The following XKR3 variants were observed in gnomAD, a reference collection of about 807,000 sequenced individuals.
XKR3 encodes the protein XK related 3.
XKR3 carries 27 observed loss-of-function variants against 40.3 expected under a neutral mutation model. The ratio of observed to expected loss-of-function variants is 0.67; its 90% confidence interval spans 0.49 to 0.92. XKR3 has a LOEUF of 0.92. Ranked by LOEUF, XKR3 falls within the 40% of genes least tolerant of loss-of-function variation. The probability of loss-of-function intolerance (pLI) is 0.00; values close to 1 mark genes in which losing one functional copy is unlikely to be tolerated. For missense variants in XKR3, 472 were observed against 537.6 expected, an observed-to-expected ratio of 0.88 and a Z score of 1.21; for synonymous variants, 193 against 195.4, an observed-to-expected ratio of 0.99 and a Z score of 0.10.
intron 3 of XKR3, among the ~76,000 whole-genome samples, chr22:16,790,907 A>G (rs77783239): frequency 0.036 from 5,283 of 148,520 alleles, 129 homozygotes; most frequent in Middle Eastern, 0.042. Flanking sequence ...AAAAAAAAAA[A>G]GAATATGGAG....
intron 2 of XKR3, among the ~76,000 whole-genome samples, chr22:16,804,731 C>G (rs2146164458): frequency 6.6e-6 from 1 of 152,256 alleles, no homozygotes; most frequent in African/African-American, 2.4e-5. Context: ...TTAAATTTAC[C>G]TATAGCCTGG....
At chr22:16,785,451 T>C (rs1246725982) in intron 3 of XKR3, among the ~76,000 whole-genome samples, 1 of 152,098 alleles carries the variant, frequency 6.6e-6, no homozygotes, top group Admixed American at 6.5e-5. Flanking sequence ...ATTAGACAAA[T>C]AAGCACATGG....
intron 1 of XKR3, among the ~76,000 whole-genome samples, chr22:16,811,122 T>C (rs1158613239): frequency 5.5e-5 from 8 of 146,126 alleles, no homozygotes; most frequent in African/African-American, 7.8e-5. Flanking sequence ...CTTTCTTCTT[T>C]TTTTTTTTTT....
intron 1 of XKR3, among the ~76,000 whole-genome samples, chr22:16,814,975 T>G (rs896633801): frequency 2.6e-5 from 4 of 151,810 alleles, no homozygotes; most frequent in Non-Finnish European, 5.9e-5. Context: ...CTCATCAAAA[T>G]CAAACTCCCA....
intron 3 of XKR3, among the ~76,000 whole-genome samples, chr22:16,791,577 T>G (rs796677142): frequency 6.0e-4 from 90 of 149,776 alleles, no homozygotes; most frequent in African/African-American, 2.2e-3. Context: ...CGTGAGAAAA[T>G]GCATTTGTTA....
chr22:16,793,498 ATGTTATTTAG>A (rs2060129095), intron 3 of XKR3, among the ~76,000 whole-genome samples: 1 of 152,202 alleles, frequency 6.6e-6, no homozygotes, highest in South Asian at 2.1e-4. Flanking sequence ...GTTCTACTTC[ATGTTATTTAG>A]GTGTAGATGC....
intron 3 of XKR3, among the ~76,000 whole-genome samples, chr22:16,786,288 A>G (rs1246546408): frequency 1.3e-5 from 2 of 152,128 alleles, no homozygotes; most frequent in African/African-American, 2.4e-5. Context: ...ACACAAATTT[A>G]GCCAGGCATG....
chr22:16,800,144 A>G, intron 2 of XKR3, 120 bp from the exon 3 acceptor site: 1 of 1,127,530 alleles, frequency 8.9e-7, no homozygotes, highest in Non-Finnish European at 1.2e-6. Context: ...AATGGCAAAT[A>G]TTAACTTAAT....
intron 2 of XKR3, among the ~76,000 whole-genome samples, chr22:16,801,403 G>T (rs924498362): frequency 3.3e-5 from 5 of 152,104 alleles, no homozygotes; most frequent in Non-Finnish European, 7.4e-5. Context: ...AATTAGCCTG[G>T]TGTGGTGGTG....
chr22:16,817,652 C>T (rs1173863009), intron 1 of XKR3, among the ~76,000 whole-genome samples: 1 of 152,104 alleles, frequency 6.6e-6, no homozygotes, highest in African/African-American at 2.4e-5. Flanking sequence ...ACATTTACTC[C>T]TCAGTTGACT....
At chr22:16,820,716 A>G (rs2060252009) in intron 1 of XKR3, among the ~76,000 whole-genome samples, 2 of 152,064 alleles carry the variant, frequency 1.3e-5, no homozygotes, top group Non-Finnish European at 2.9e-5. Context: ...TAACAAAAAA[A>G]CAGTTGCATA....
At chr22:16,822,694 A>C (rs921591496) in intron 1 of XKR3, among the ~76,000 whole-genome samples, 8 of 152,212 alleles carry the variant, frequency 5.3e-5, no homozygotes, top group African/African-American at 1.9e-4. Context: ...AGAGCAAAAA[A>C]AATGGAAAAT....
intron 3 of XKR3, among the ~76,000 whole-genome samples, chr22:16,792,549 T>C (rs1232946881): frequency 2.6e-5 from 4 of 152,268 alleles, no homozygotes; most frequent in African/African-American, 9.6e-5. Context: ...AGGTCTCATA[T>C]AATTCAATAA....
chr22:16,801,986 T>A (rs2060171296), intron 2 of XKR3, among the ~76,000 whole-genome samples: 1 of 152,168 alleles, frequency 6.6e-6, no homozygotes, highest in Non-Finnish European at 1.5e-5. Context: ...TTATAAAAAA[T>A]CATTAATGTA....
intron 3 of XKR3, among the ~76,000 whole-genome samples, chr22:16,787,490 C>T (rs771588352): frequency 1.3e-4 from 19 of 150,504 alleles, no homozygotes; most frequent in Non-Finnish European, 2.4e-4. Context: ...ACCCAGGACA[C>T]GGAGGTTGCA....
intron 3 of XKR3, among the ~76,000 whole-genome samples, chr22:16,786,978 A>G (rs890268010): frequency 6.6e-6 from 1 of 152,204 alleles, no homozygotes; most frequent in South Asian, 2.1e-4. Context: ...TACTTATTTT[A>G]AGACAATGTA....
chr22:16,808,170 A>C (rs2060198390), intron 1 of XKR3, 87 bp from the exon 2 acceptor site: 3 of 1,008,818 alleles, frequency 3.0e-6, no homozygotes, highest in Non-Finnish European at 2.9e-6. Context: ...TCTATAATTC[A>C]CTATTCATAG....
At chr22:16,806,474 T>TTG (rs1024817638) in intron 2 of XKR3, among the ~76,000 whole-genome samples, 1 of 150,284 alleles carries the variant, frequency 6.7e-6, no homozygotes, top group Non-Finnish European at 1.5e-5. Flanking sequence ...TTAAGGTTTT[T>TTG]TTTTTTTTTT....
At chr22:16,789,564 G>GA (rs1337310495) in intron 3 of XKR3, among the ~76,000 whole-genome samples, 10 of 152,100 alleles carry the variant, frequency 6.6e-5, no homozygotes, top group African/African-American at 2.4e-5. Context: ...TAATTGATTG[G>GA]AAAAAAGTAA....
Sources: gnomAD v4.1 joint callset for allele counts (sites outside exome capture counted in the v4.1 genomes callset) on GRCh38, gnomAD v4.1.1 for gene constraint, MANE v1.5 for transcripts, NCBI Gene and HGNC (gene_info 2026-07-23, HGNC 2026-07-21) for gene names.